Variants in PPP6R3 observed in about 807,000 individuals in gnomAD.
The protein encoded by PPP6R3 is serine/threonine-protein phosphatase 6 regulatory subunit 3.
A neutral mutation model predicts 110.7 loss-of-function variants in PPP6R3; 38 were observed. That is an observed-to-expected ratio of 0.34 (90% CI 0.26 to 0.45). The LOEUF (loss-of-function observed/expected upper bound fraction) is 0.45, where lower values mean the gene tolerates loss of function less well. Among genes scored for constraint, PPP6R3 ranks in the 20% least tolerant of loss-of-function variants. PPP6R3 has a pLI of 1.00. For missense variants in PPP6R3, 870 were observed against 1,062.4 expected (o/e 0.82, Z 2.52); for synonymous variants, 369 against 373.5 (o/e 0.99, Z 0.14).
At chr11:68,603,237 C>T in intron 21 of PPP6R3, 105 bp from the exon 22 acceptor site, 24 of 1,415,308 alleles carry the variant, frequency 1.7e-5, no homozygotes, top group Admixed American at 1.1e-4. Flanking sequence ...TCTTTTTTTT[C>T]TTCAAGCAGT....
intron 14 of PPP6R3, among the ~76,000 whole-genome samples, chr11:68,579,002 T>A (rs1486815549): frequency 2.6e-5 from 4 of 152,216 alleles, no homozygotes; most frequent in Non-Finnish European, 5.9e-5. Flanking sequence ...TTGTTTCATT[T>A]TTTGCCCTCT....
chr11:68,526,519 T>G (rs2099199074), intron 2 of PPP6R3, among the ~76,000 whole-genome samples: 1 of 152,158 alleles, frequency 6.6e-6, no homozygotes, highest in South Asian at 2.1e-4. Context: ...GTGCTGAGAT[T>G]ACAGATGTGA....
chr11:68,555,659 A>G (rs1449720675), intron 7 of PPP6R3, among the ~76,000 whole-genome samples: 1 of 152,232 alleles, frequency 6.6e-6, no homozygotes, highest in Non-Finnish European at 1.5e-5. Flanking sequence ...CCTAGCCACC[A>G]GAGCCCATGT....
intron 2 of PPP6R3, among the ~76,000 whole-genome samples, chr11:68,525,783 A>C (rs969210945): frequency 6.6e-6 from 1 of 152,138 alleles, no homozygotes; most frequent in South Asian, 2.1e-4. Flanking sequence ...CTGAATTTCT[A>C]CTTGATTAGG....
In PPP6R3 at chr11:68,476,322, G is replaced by A. The variant is rs963335306; in HGVS notation, c.-158+15495G>A. ...CCAAAAAAATACGAAAACCAGTCAG[G>A]CGTGGCGGCGCACGCCTGCAATCGC... is the stretch of plus-strand genomic sequence containing the variant. On this transcript the variant is annotated intron_variant, in intron 1 of 23. Transcript: ENST00000393800. Among the ~76,000 whole-genome samples, 6 of 152,256 alleles carry A rather than the reference G, an allele frequency of 3.9e-5. No individual in the cohort carries two copies. The South Asian group carries it at 1.2e-3, about 32-fold the overall frequency.
At chr11:68,463,067 G>C (rs1047608008) in intron 1 of PPP6R3, among the ~76,000 whole-genome samples, 2 of 152,120 alleles carry the variant, frequency 1.3e-5, no homozygotes, top group Non-Finnish European at 2.9e-5. Flanking sequence ...GGATGAGGTT[G>C]CCTAGCTTTT....
intron 1 of PPP6R3, among the ~76,000 whole-genome samples, chr11:68,488,201 T>G (rs531328230): frequency 6.6e-6 from 1 of 152,316 alleles, no homozygotes; most frequent in South Asian, 2.1e-4. Context: ...TTGATTAGAG[T>G]TAACATGATA....
chr11:68,517,971 C>G (rs1217527436), intron 1 of PPP6R3, among the ~76,000 whole-genome samples: 2 of 151,738 alleles, frequency 1.3e-5, no homozygotes, highest in Non-Finnish European at 2.9e-5. Flanking sequence ...AAATACGAAT[C>G]TATGAGTCCA....
At chr11:68,490,994 T>C (rs1473731235) in intron 1 of PPP6R3, among the ~76,000 whole-genome samples, 1 of 152,110 alleles carries the variant, frequency 6.6e-6, no homozygotes, top group Admixed American at 6.6e-5. Context: ...GAGACCAACC[T>C]GGTCAACTTG....
At chr11:68,479,735 G>T (rs2098888483) in intron 1 of PPP6R3, among the ~76,000 whole-genome samples, 1 of 151,706 alleles carries the variant, frequency 6.6e-6, no homozygotes, top group Non-Finnish European at 1.5e-5. Context: ...CTGCCTGAGG[G>T]TTGGTTTCTT....
Position 68,488,730 on chromosome 11 carries a change from ATGG to A in PPP6R3, c.-158+27904_-158+27906del, listed in dbSNP as rs1450119232. 4 of 152,276 alleles carry A rather than the reference ATGG, an allele frequency of 2.6e-5. No homozygotes were observed. In the East Asian group the frequency reaches 7.8e-4, roughly 30 times the overall value. 9.4% of individuals were successfully genotyped at this position (152,276 alleles called of 1,614,324 possible). A position where few individuals can be genotyped will look rare whatever the true frequency, so the allele number is the denominator to read the frequency against. On this transcript the variant is annotated intron_variant, in intron 1 of 23. Transcript: ENST00000393800. The stretch of plus-strand genomic sequence containing the variant: ...GTAGGGTGTGTCCTGATTGATCATG[ATGG>A]CCTACTTGGTGTAGGGGCTGAGTAG...
chr11:68,596,810 G>T (rs1169599859), intron 19 of PPP6R3, among the ~76,000 whole-genome samples: 1 of 152,178 alleles, frequency 6.6e-6, no homozygotes, highest in African/African-American at 2.4e-5. Context: ...GAGCCATATG[G>T]GCTGATAGCG....
rs112154155 is a variant in PPP6R3, at chr11:68,526,240, T to C, written c.-7+6589T>C. ...AGGGCCTATGAGAATTTACTGATTT[T>C]ACTTTGACTTACATTTTTTTTTTTT... On this transcript the variant is annotated intron_variant, in intron 2 of 23. Transcript: ENST00000393800. Among the ~76,000 whole-genome samples the C allele has an allele frequency of 4.6e-5, 7 of 152,228 alleles. 2 individuals are homozygous for C. The highest frequency in any genetic ancestry group is 1.7e-4 in the African/African-American group (7 of 41,546).
At chr11:68,587,728 T>TA (rs2099583293) in intron 15 of PPP6R3, 199 bp from the exon 16 acceptor site, 4 of 655,132 alleles carry the variant, frequency 6.1e-6, no homozygotes, top group Non-Finnish European at 1.1e-5. Context: ...TTAGAATGAT[T>TA]TGTAGACCAA....
rs73506296 is a variant in PPP6R3 at position 68,608,435 on chromosome 11, C to T, written c.2451-1469C>T. Among the ~76,000 whole-genome samples, 1,382 of 152,290 alleles carry T rather than the reference C, an allele frequency of 9.1e-3. 20 individuals carry two copies. Among genetic ancestry groups the T allele is most frequent in the African/African-American group, 0.032 (1,323 of 41,556 alleles). On this transcript the variant is annotated intron_variant, in intron 22 of 23. Coordinates refer to ENST00000393800, the MANE Select transcript of PPP6R3 (RefSeq NM_001164161.2). ...TTGAGTGGCGGTGGGCTGCAGCCTG[C>T]GGGGCCCTGGTGGCCTGCTGGTGAG...
chr11:68,551,221 A>G lies in PPP6R3; in HGVS notation c.618+35A>G, dbSNP rs75647356. 4.2e-6 allele frequency: 6 copies of G among 1,444,158 alleles called. No homozygotes were observed. In the East Asian group the frequency reaches 9.3e-5, roughly 22 times the overall value. 89.5% of individuals were successfully genotyped at this position (1,444,158 alleles called of 1,614,324 possible). On this transcript the variant is annotated intron_variant, in intron 6 of 23. Transcript: ENST00000393800. ...CTTGTGTGACTGTAAACTTGATTAGAAAAAAAAAACAAAAAACTGTTTATT... is the reference window on the plus strand; with the variant it reads ...CTTGTGTGACTGTAAACTTGATTAGGAAAAAAAAACAAAAAACTGTTTATT...
At chr11:68,556,211 C>T (rs1456841211) in intron 7 of PPP6R3, among the ~76,000 whole-genome samples, 1 of 152,032 alleles carries the variant, frequency 6.6e-6, no homozygotes, top group Non-Finnish European at 1.5e-5. Flanking sequence ...ACATCACATG[C>T]ATAAATGTTA....
chr11:68,479,356 C>T (rs762989600), intron 1 of PPP6R3, among the ~76,000 whole-genome samples: 14 of 152,126 alleles, frequency 9.2e-5, no homozygotes, highest in Non-Finnish European at 1.9e-4. Flanking sequence ...TGGTCTGTCA[C>T]ATGAGGTCAA....
intron 1 of PPP6R3, among the ~76,000 whole-genome samples, chr11:68,509,631 G>A (rs2099097660): frequency 6.6e-6 from 1 of 151,558 alleles, no homozygotes; most frequent in Non-Finnish European, 1.5e-5. Flanking sequence ...TTATTTTTGA[G>A]ACAGGGTGTC....
Sources: gnomAD v4.1 joint callset for allele counts (sites outside exome capture counted in the v4.1 genomes callset) on GRCh38, gnomAD v4.1.1 for gene constraint, MANE v1.5 for transcripts, NCBI Gene and HGNC (gene_info 2026-07-23, HGNC 2026-07-21) for gene names.